The following CORO2B variants were observed in gnomAD, a reference collection of about 807,000 sequenced individuals.
CORO2B encodes the protein coronin-2B.
CORO2B carries 26 observed loss-of-function variants against 58.8 expected under a neutral mutation model. That is an observed-to-expected ratio of 0.44 (90% CI 0.32 to 0.61). CORO2B has a LOEUF of 0.61. CORO2B is among the 20% of genes least tolerant of loss of function. The pLI is 0.04. For missense variants in CORO2B, 460 were observed against 645.1 expected (o/e 0.71, Z 3.11); for synonymous variants, 242 against 253.8 (o/e 0.95, Z 0.44).
At chr15:68,688,262 C>T (rs1330337099) in intron 2 of CORO2B, among the ~76,000 whole-genome samples, 3 of 152,124 alleles carry the variant, frequency 2.0e-5, no homozygotes, top group Non-Finnish European at 2.9e-5. Flanking sequence ...CTAGTAATAT[C>T]CAACTATTCA....
At chr15:68,670,112 A>T (rs1465464973) in intron 2 of CORO2B, among the ~76,000 whole-genome samples, 1 of 152,086 alleles carries the variant, frequency 6.6e-6, no homozygotes, top group Non-Finnish European at 1.5e-5. Context: ...TTGAAAAATT[A>T]TGTATAGATA....
chr15:68,556,050 G>A, the CORO2B span, among the ~76,000 whole-genome samples: 32 of 152,356 alleles, frequency 2.1e-4, no homozygotes, highest in Admixed American at 9.1e-4. Flanking sequence ...TCTGCCCTTC[G>A]TGCAGTGCCT....
chr15:68,586,490 G>C (rs1325531150), intron 1 of CORO2B, among the ~76,000 whole-genome samples: 2 of 152,130 alleles, frequency 1.3e-5, no homozygotes, highest in Non-Finnish European at 2.9e-5. Context: ...CAAAAGCCAC[G>C]GACCTTGATC....
rs35340917 is a variant in CORO2B at position 68,605,711 on chromosome 15, GTTTT to G, written c.15+26460_15+26463del. On this transcript the variant is annotated intron_variant, in intron 1 of 11. Transcript: ENST00000261861. ...GGGAGGAGTCACAGAGGGCTCTTGGGTTTTTTTTTTTTTTTTTTTTTTTTTTTTT... is the reference window on the plus strand; with the variant it reads ...GGGAGGAGTCACAGAGGGCTCTTGGGTTTTTTTTTTTTTTTTTTTTTTTTT... Among the ~76,000 whole-genome samples the G allele has an allele frequency of 5.0e-5, 5 of 99,140 alleles. No individual in the cohort carries two copies. In the South Asian group the frequency reaches 1.0e-3, roughly 20 times the overall value. 65.0% of individuals were successfully genotyped at this position (99,140 alleles called of 152,430 possible).
upstream of CORO2B, among the ~76,000 whole-genome samples, chr15:68,574,041 G>A (rs1474388013): frequency 6.6e-6 from 1 of 152,130 alleles, no homozygotes; most frequent in Non-Finnish European, 1.5e-5. Context: ...GGACCCTGTT[G>A]GACTTCAACC....
At chr15:68,538,648 T>C in the CORO2B span, among the ~76,000 whole-genome samples, 1 of 152,316 alleles carries the variant, frequency 6.6e-6, no homozygotes, top group African/African-American at 2.4e-5. Flanking sequence ...TTAAGTCCAG[T>C]CTTCAAGTTC....
In CORO2B at chr15:68,726,380, T is replaced by C; in HGVS notation, c.*406T>C. The C allele has an allele frequency of 3.7e-6, 1 of 270,118 alleles. No individual in the cohort carries two copies. Among genetic ancestry groups the C allele is most frequent in the South Asian group, 3.4e-5 (1 of 29,156 alleles). 16.7% of individuals were successfully genotyped at this position (270,118 alleles called of 1,614,324 possible). On this transcript the variant is annotated 3_prime_UTR_variant, in exon 12 of 12. Coordinates refer to ENST00000261861, the MANE Select transcript of CORO2B (RefSeq NM_006091.5). ...GCCAGGACATCTCAGCACTCCCGCC[T>C]GGAGCTCTCAGCATCACTGAAGGTA...
At chr15:68,579,312 C>T (rs1595948748) in intron 1 of CORO2B, 35 bp downstream of exon 1, 8 of 1,279,518 alleles carry the variant, frequency 6.3e-6, no homozygotes, top group Non-Finnish European at 7.9e-6. Flanking sequence ...CCGGGACCCG[C>T]CGGCGCCTGC....
chr15:68,674,465 G>A (rs1032990124), intron 2 of CORO2B, among the ~76,000 whole-genome samples: 8 of 152,198 alleles, frequency 5.3e-5, no homozygotes, highest in Non-Finnish European at 1.2e-4. Flanking sequence ...CCCTTCCTGT[G>A]AGCAAGGTCT....
At position 68,673,741 on chromosome 15, in the gene CORO2B, G is replaced by A. The variant is rs1312964953; in HGVS notation, c.217-21399G>A. ...AATCCCAGCTACTCAGGAGGCTGAG[G>A]CAGGAGAATCACCTGAACGGGGGAG... On this transcript the variant is annotated intron_variant, in intron 2 of 11. Coordinates refer to ENST00000261861, the MANE Select transcript of CORO2B (RefSeq NM_006091.5). Among the ~76,000 whole-genome samples the A allele has an allele frequency of 2.0e-5, 3 of 151,256 alleles. No individual in the cohort carries two copies. The East Asian group carries it at 5.9e-4, about 30-fold the overall frequency.
intron 3 of CORO2B, among the ~76,000 whole-genome samples, chr15:68,709,884 C>T (rs1479907032): frequency 5.5e-5 from 8 of 145,568 alleles, no homozygotes; most frequent in African/African-American, 1.9e-4. Flanking sequence ...GGATGTTCCC[C>T]CCACCTACCA....
chr15:68,663,955 A>G (rs1902100252), intron 2 of CORO2B, among the ~76,000 whole-genome samples: 1 of 152,234 alleles, frequency 6.6e-6, no homozygotes, highest in Admixed American at 6.5e-5. Flanking sequence ...AATTAAAACC[A>G]TGAGTTACTA....
At chr15:68,674,914 A>G (rs1596006053) in intron 2 of CORO2B, among the ~76,000 whole-genome samples, 1 of 152,108 alleles carries the variant, frequency 6.6e-6, no homozygotes, top group African/African-American at 2.4e-5. Context: ...GGGTATTTTT[A>G]TTTTATTTTG....
chr15:68,650,356 TAAAAAAAAAAAAAAAAAAAA>T (rs532431600), intron 2 of CORO2B, among the ~76,000 whole-genome samples: 3 of 86,084 alleles, frequency 3.5e-5, no homozygotes, highest in African/African-American at 1.3e-4. Flanking sequence ...AAACTCTGTC[TAAAAAAAAAAAAAAAAAAAA>T]AAAAAAAAAA....
chr15:68,622,671 C>G (rs1190638925), intron 1 of CORO2B, among the ~76,000 whole-genome samples: 1 of 152,174 alleles, frequency 6.6e-6, no homozygotes, highest in African/African-American at 2.4e-5. Context: ...CCCCCACACC[C>G]CATTCATTCA....
chr15:68,573,290 G>A, the CORO2B span, among the ~76,000 whole-genome samples: 1 of 152,204 alleles, frequency 6.6e-6, no homozygotes, highest in African/African-American at 2.4e-5. Flanking sequence ...GAGACTAGCA[G>A]TGGGACAAAG....
chr15:68,619,872 G>A (rs559898678), intron 1 of CORO2B, among the ~76,000 whole-genome samples: 2 of 152,082 alleles, frequency 1.3e-5, no homozygotes, highest in South Asian at 2.1e-4. Context: ...TGCTGGCATC[G>A]TCACTCTCAT....
intron 1 of CORO2B, among the ~76,000 whole-genome samples, chr15:68,642,848 A>T (rs1425942057): frequency 6.6e-6 from 1 of 152,228 alleles, no homozygotes; most frequent in Non-Finnish European, 1.5e-5. Flanking sequence ...AAGACATTCC[A>T]GGCTAGAATT....
intron 8 of CORO2B, 152 bp from the exon 9 acceptor site, chr15:68,718,546 C>T (rs551060953): frequency 2.4e-4 from 152 of 639,368 alleles, no homozygotes; most frequent in Middle Eastern, 7.7e-4. Flanking sequence ...TGATTGAAGG[C>T]GCCCCGGTCT....
Sources: gnomAD v4.1 joint callset for allele counts (sites outside exome capture counted in the v4.1 genomes callset) on GRCh38, gnomAD v4.1.1 for gene constraint, MANE v1.5 for transcripts, NCBI Gene and HGNC (gene_info 2026-07-23, HGNC 2026-07-21) for gene names.